Variants in ZNF678 observed in about 807,000 individuals in gnomAD.
The protein encoded by ZNF678 is hypothetical protein MGC42493.
ZNF678 carries 5 observed loss-of-function variants against 3.0 expected under a neutral mutation model. The ratio of observed to expected loss-of-function variants is 1.69; its 90% CI spans 0.88 to 3.56. The LOEUF (loss-of-function observed/expected upper bound fraction) is 3.56. Among genes scored for constraint, ZNF678 ranks in the 30% most tolerant of loss-of-function variants. The probability of loss-of-function intolerance (pLI) is 0.00; values close to 1 mark genes in which losing one functional copy is unlikely to be tolerated. For synonymous variants in ZNF678, 218 were observed against 199.6 expected, an observed-to-expected ratio of 1.09 and a Z score of -0.78; for missense variants, 593 against 605.0, an observed-to-expected ratio of 0.98 and a Z score of 0.21.
At chr1:227,646,745 C>T (rs1188221137) in intron 2 of ZNF678, 75 bp downstream of exon 2, 6 of 1,261,382 alleles carry the variant, frequency 4.8e-6, no homozygotes, top group African/African-American at 1.6e-5. Flanking sequence ...GAAATGTTAC[C>T]TGAGAGTTTG....
intron 1 of ZNF678, among the ~76,000 whole-genome samples, chr1:227,621,598 G>A (rs1658281812): frequency 6.6e-6 from 1 of 152,190 alleles, no homozygotes; most frequent in East Asian, 1.9e-4. Context: ...GAATGATGAG[G>A]TTGTGTAGAA....
At chr1:227,669,604 G>A (rs190961394) in intron 5 of ZNF678, among the ~76,000 whole-genome samples, 276 of 150,724 alleles carry the variant, frequency 1.8e-3, no homozygotes, top group African/African-American at 6.5e-3. Flanking sequence ...AGCTGAAATC[G>A]TGCCACTGCG....
chr1:227,638,832 G>A lies in ZNF678; in HGVS notation c.-163-7712G>A, dbSNP rs1658745828. Among the ~76,000 whole-genome samples the A allele has an allele frequency of 6.6e-6, 1 of 151,960 alleles. No individual in the cohort carries two copies. Among genetic ancestry groups the A allele is most frequent in the Non-Finnish European group, 1.5e-5 (1 of 67,970 alleles). ...GGAGCAGGGGCTTGGGGTTTGGAGA[G>A]TTGTCCATCAATTCCCACAACAGAG... is the stretch of plus-strand genomic sequence containing the variant. On this transcript the variant is annotated intron_variant, in intron 1 of 3. Transcript: ENST00000343776. The surrounding 1 kb of genome is among the most constrained non-coding windows in gnomAD (Gnocchi z 4.2).
intron 1 of ZNF678, among the ~76,000 whole-genome samples, chr1:227,618,184 T>C (rs1008167017): frequency 1.3e-5 from 2 of 152,186 alleles, no homozygotes; most frequent in Non-Finnish European, 2.9e-5. Flanking sequence ...AGCATGGGGC[T>C]GGGGGAATTG....
chr1:227,621,785 A>T (rs899355828), intron 1 of ZNF678, among the ~76,000 whole-genome samples: 3 of 152,196 alleles, frequency 2.0e-5, no homozygotes, highest in Admixed American at 6.5e-5. Context: ...AAACTAATTT[A>T]GGCTATGACA....
chr1:227,678,196 G>A (rs551980567), downstream of ZNF678, among the ~76,000 whole-genome samples: 20 of 152,266 alleles, frequency 1.3e-4, no homozygotes, highest in Non-Finnish European at 2.2e-4. Context: ...CGCCTGGGTC[G>A]AATTGGTCAA....
intron 1 of ZNF678, among the ~76,000 whole-genome samples, chr1:227,589,825 G>C (rs1657363503): frequency 6.6e-6 from 1 of 151,826 alleles, no homozygotes; most frequent in African/African-American, 2.4e-5. Context: ...TCTGCCTGTG[G>C]ATTTCATTTC....
In ZNF678 at chr1:227,662,164, G is replaced by A. The variant is rs1417320597; in HGVS notation, c.*6336G>A. 1.3e-5 allele frequency: 2 copies of A among 152,192 alleles called. No individual in the cohort carries two copies. The highest frequency in any genetic ancestry group is 2.9e-5 in the Non-Finnish European group (2 of 68,040). The allele number at this position is 152,192 out of a possible 1,614,324, so 9.4% of individuals were successfully genotyped here. ...TTCTATGGTATTTGTCAGCTGTGGAGCAACAGCACACATCTGTATTAATAG... is the reference window on the plus strand; with the variant it reads ...TTCTATGGTATTTGTCAGCTGTGGAACAACAGCACACATCTGTATTAATAG... On this transcript the variant is annotated 3_prime_UTR_variant, in exon 4 of 4. Transcript: ENST00000343776.
chr1:227,566,693 A>G (rs890517887), intron 1 of ZNF678, among the ~76,000 whole-genome samples: 1 of 152,254 alleles, frequency 6.6e-6, no homozygotes, highest in Admixed American at 6.5e-5. Flanking sequence ...TATTAAGTAT[A>G]TATTACACTT....
At position 227,670,113 on chromosome 1, in the gene ZNF678, C is replaced by T. The variant is rs1183597379; in HGVS notation, c.227-7066C>T. On this transcript the variant is annotated intron_variant, in intron 5 of 5. Transcript: ENST00000608949. ...CTCTGGAACAGAAAACCAAATACCA[C>T]GTGTTCTCACTTAGAAGTGGAAGAT... Among the ~76,000 whole-genome samples the T allele has an allele frequency of 8.5e-5, 13 of 152,288 alleles. No homozygotes were observed. In the South Asian group the frequency reaches 2.1e-3, roughly 24 times the overall value.
chr1:227,580,391 A>G (rs1041971453), intron 1 of ZNF678, among the ~76,000 whole-genome samples: 1 of 152,142 alleles, frequency 6.6e-6, no homozygotes, highest in Non-Finnish European at 1.5e-5. Flanking sequence ...ACTAAAGCAA[A>G]TGATATAAAA....
intron 5 of ZNF678, among the ~76,000 whole-genome samples, chr1:227,674,606 T>C (rs1300028153): frequency 3.3e-4 from 49 of 149,932 alleles, no homozygotes; most frequent in Admixed American, 8.6e-4. Context: ...TTTTTTTTTT[T>C]TCTTTTTTTT....
At chr1:227,677,729 A>G (rs1659708460), downstream of ZNF678, among the ~76,000 whole-genome samples, 1 of 152,202 alleles carries the variant, frequency 6.6e-6, no homozygotes, top group Non-Finnish European at 1.5e-5. Context: ...TCCCTGAACC[A>G]AATACAGTTT....
downstream of ZNF678, among the ~76,000 whole-genome samples, chr1:227,666,016 T>G (rs1427410332): frequency 6.6e-6 from 1 of 152,216 alleles, no homozygotes; most frequent in African/African-American, 2.4e-5. Flanking sequence ...ACATCTTAAT[T>G]TTCAGAGTGA....
chr1:227,593,294 C>T (rs1288848060), intron 1 of ZNF678, among the ~76,000 whole-genome samples: 1 of 152,210 alleles, frequency 6.6e-6, no homozygotes, highest in African/African-American at 2.4e-5. Flanking sequence ...CCATTTTAAC[C>T]AGGCATTTGC....
intron 1 of ZNF678, among the ~76,000 whole-genome samples, chr1:227,636,709 T>G (rs114109129): frequency 0.014 from 2,097 of 152,200 alleles, 54 homozygotes; most frequent in African/African-American, 0.047. Context: ...ACTGTTAATG[T>G]TTTGGAGGAA....
intron 1 of ZNF678, among the ~76,000 whole-genome samples, chr1:227,584,342 C>T (rs774449844): frequency 1.5e-4 from 23 of 152,228 alleles, no homozygotes; most frequent in Middle Eastern, 6.8e-3. Flanking sequence ...CTTCCTTAAA[C>T]GAACCGTTTA....
intron 1 of ZNF678, among the ~76,000 whole-genome samples, chr1:227,612,122 G>T (rs1018438502): frequency 2.6e-5 from 4 of 152,162 alleles, no homozygotes; most frequent in African/African-American, 7.2e-5. Context: ...TTTAGTGATG[G>T]ACATGCAGAG....
At chr1:227,626,964 C>T (rs1423158363) in intron 1 of ZNF678, among the ~76,000 whole-genome samples, 4 of 151,078 alleles carry the variant, frequency 2.6e-5, no homozygotes, top group African/African-American at 7.3e-5. Flanking sequence ...TCCGCCCAAC[C>T]AGTGAAAGTA....
Sources: gnomAD v4.1 joint callset for allele counts (sites outside exome capture counted in the v4.1 genomes callset) on GRCh38, gnomAD v4.1.1 for gene constraint, Gnocchi (gnomAD v3.1) non-coding constraint, MANE v1.5 for transcripts, NCBI Gene and HGNC (gene_info 2026-07-23, HGNC 2026-07-21) for gene names.